The following ZNF76 variants were observed in gnomAD, a reference collection of about 807,000 sequenced individuals.
The protein encoded by ZNF76 is zinc finger protein 523.
ZNF76 carries 66 observed loss-of-function variants against 66.9 expected under a neutral mutation model. The ratio of observed to expected loss-of-function variants is 0.99; its 90% CI spans 0.81 to 1.21. The LOEUF is 1.21. Among genes scored for constraint, ZNF76 ranks in the 50% most tolerant of loss-of-function variants. The probability of loss-of-function intolerance (pLI) is 0.00; values close to 1 mark genes in which losing one functional copy is unlikely to be tolerated. For synonymous variants in ZNF76, 275 were observed against 296.1 expected, an observed-to-expected ratio of 0.93 and a Z score of 0.73; for missense variants, 729 against 760.3, an observed-to-expected ratio of 0.96 and a Z score of 0.48.
At position 35,287,613 on chromosome 6, in the gene ZNF76, G is replaced by A. The variant is rs1161887827; in HGVS notation, c.233-33G>A. On this transcript the variant is annotated intron_variant, in intron 4 of 13. Transcript: ENST00000373953. The surrounding 1 kb of genome is among the most constrained non-coding windows in gnomAD (Gnocchi z 4.0). Reference sequence around the variant, plus strand: ...TCCCAGCTGTATCTCTTCCCCTTGTGTGGCATCAGGGCTAACCGCGTGTTC... The same window carrying A: ...TCCCAGCTGTATCTCTTCCCCTTGTATGGCATCAGGGCTAACCGCGTGTTC... 3 of 1,563,986 alleles carry A rather than the reference G, an allele frequency of 1.9e-6. No individual in the cohort carries two copies. The highest frequency in any genetic ancestry group is 2.6e-6 in the Non-Finnish European group (3 of 1,152,830).
At chr6:35,293,501 A>G (rs1790743132) in intron 11 of ZNF76, among the ~76,000 whole-genome samples, 1 of 152,146 alleles carries the variant, frequency 6.6e-6, no homozygotes, top group Non-Finnish European at 1.5e-5. Flanking sequence ...TCAGGTGGCG[A>G]CCCTGAGCTG....
intron 1 of ZNF76, among the ~76,000 whole-genome samples, chr6:35,262,921 A>G (rs889764123): frequency 6.6e-6 from 1 of 151,980 alleles, no homozygotes; most frequent in African/African-American, 2.4e-5. Context: ...ACCCTTCCAC[A>G]GGGCCTCCTC....
intron 1 of ZNF76, among the ~76,000 whole-genome samples, chr6:35,276,725 G>A (rs1787939236): frequency 6.6e-6 from 1 of 151,884 alleles, no homozygotes; most frequent in South Asian, 2.1e-4. Flanking sequence ...GGGAGTCTGA[G>A]GATATTTTGC....
Position 35,292,596 on chromosome 6 carries a change from G to A in ZNF76, c.974G>A (p.Arg325His), listed in dbSNP as rs368273976. ...YVCTVPGCGK[R>H]FTEYSSLYKH... ...TGCACGGTGCCAGGCTGCGGGAAAC[G>A]CTTCACCGAGTACTCGAGCTTGTAT... Residue 325 changes from arginine to histidine, a missense_variant, in exon 10 of 14, where the codon CGC becomes CAC. Transcript: ENST00000373953. This position sits in a 1 kb window ranked among gnomAD's most constrained non-coding sequence, Gnocchi z 4.7. 2.2e-5 allele frequency: 35 copies of A among 1,613,504 alleles called. No homozygotes were observed. The highest frequency in any genetic ancestry group is 3.3e-5 in the South Asian group (3 of 91,076).
In ZNF76 at chr6:35,294,506, A is replaced by G; in HGVS notation, c.1545A>G (p.Ala515=). 1.2e-6 allele frequency: 2 copies of G among 1,614,098 alleles called. No homozygotes were observed. Among genetic ancestry groups the G allele is most frequent in the Non-Finnish European group, 1.7e-6 (2 of 1,180,010 alleles). The change falls in exon 13 of 14, where the codon GCA becomes GCG. Residue 515 remains alanine, a synonymous_variant. Coordinates refer to ENST00000373953, the MANE Select transcript of ZNF76 (RefSeq NM_003427.5). The stretch of plus-strand genomic sequence containing the variant: ...TGGTGGCTGAGGACTCAAGTGTAGC[A>G]TCTCTTCGTCATCAACAGGTGGCAC... The part of the protein sequence containing the change: ...GAVVAEDSSV[A]SLRHQQVALL...
rs536559198 is a variant in ZNF76, at chr6:35,259,802, A to T, written c.-136A>T. On this transcript the variant is annotated 5_prime_UTR_variant, in exon 1 of 14. An upstream start codon of the reference 5' UTR is lost. Coordinates refer to ENST00000373953, the MANE Select transcript of ZNF76 (RefSeq NM_003427.5). ...CGGCGCTGGTGGCGGGGCCCGGTGC[A>T]TGGCGGTCTGTCGGCGGAGTCGCCC... The T allele has an allele frequency of 6.6e-6, 1 of 152,228 alleles. No homozygotes were observed. The highest frequency in any genetic ancestry group is 6.5e-5 in the Admixed American group (1 of 15,282). 9.4% of individuals were successfully genotyped at this position (152,228 alleles called of 1,614,324 possible).
chr6:35,292,324 T>A lies in ZNF76; in HGVS notation c.932-230T>A. The A allele has an allele frequency of 1.1e-5, 6 of 529,820 alleles. No individual in the cohort carries two copies. Among genetic ancestry groups the A allele is most frequent in the Admixed American group, 3.1e-5 (1 of 32,486 alleles). 32.8% of individuals were successfully genotyped at this position (529,820 alleles called of 1,614,324 possible). On this transcript the variant is annotated intron_variant, in intron 9 of 13. Coordinates refer to ENST00000373953, the MANE Select transcript of ZNF76 (RefSeq NM_003427.5). This position sits in a 1 kb window ranked among gnomAD's most constrained non-coding sequence, Gnocchi z 4.7. Reference sequence around the variant, plus strand: ...CCCTTCACTAGCCCCAGCCTTGCCCTGTCCCCCGTTTCCTTTCCGCCTTGT... The same window carrying A: ...CCCTTCACTAGCCCCAGCCTTGCCCAGTCCCCCGTTTCCTTTCCGCCTTGT...
chr6:35,261,821 C>G (rs1455663036), intron 1 of ZNF76, among the ~76,000 whole-genome samples: 1 of 152,070 alleles, frequency 6.6e-6, no homozygotes, highest in Non-Finnish European at 1.5e-5. Context: ...GGCCCTGACC[C>G]CCAAGGTTTC....
chr6:35,278,812 T>C (rs1485694899), intron 1 of ZNF76, among the ~76,000 whole-genome samples: 5 of 152,182 alleles, frequency 3.3e-5, no homozygotes, highest in Non-Finnish European at 7.3e-5. Flanking sequence ...GAAGCTTCAG[T>C]GCTTCCCACC....
chr6:35,292,056 G>T lies in ZNF76; in HGVS notation c.931+319G>T. On this transcript the variant is annotated intron_variant, in intron 9 of 13. Coordinates refer to ENST00000373953, the MANE Select transcript of ZNF76 (RefSeq NM_003427.5). This position sits in a 1 kb window ranked among gnomAD's most constrained non-coding sequence, Gnocchi z 4.7. The stretch of plus-strand genomic sequence containing the variant: ...AAGAGGCCAGGGTCAGGAATGATGG[G>T]GAAGAAGCAGAGTGAACTGTCACCT... 6.3e-6 allele frequency: 3 copies of T among 473,882 alleles called. No homozygotes were observed. The highest frequency in any genetic ancestry group is 1.2e-5 in the Non-Finnish European group (3 of 257,812). 29.4% of individuals were successfully genotyped at this position (473,882 alleles called of 1,614,324 possible). A position where few individuals can be genotyped will look rare whatever the true frequency, so the allele number is the denominator to read the frequency against.
intron 1 of ZNF76, among the ~76,000 whole-genome samples, chr6:35,275,722 TG>T (rs1787798857): frequency 6.6e-6 from 1 of 152,150 alleles, no homozygotes; most frequent in Admixed American, 6.5e-5. Flanking sequence ...GTGAATGAGT[TG>T]AGGTTATTTA....
Position 35,294,502 on chromosome 6 carries a change from T to C in ZNF76, c.1541T>C (p.Val514Ala). The C allele has an allele frequency of 6.2e-7, 1 of 1,614,088 alleles. No homozygotes were observed. Among genetic ancestry groups the C allele is most frequent in the Non-Finnish European group, 8.5e-7 (1 of 1,180,008 alleles). ...GCTGTGGTGGCTGAGGACTCAAGTGTAGCATCTCTTCGTCATCAACAGGTG... is the reference window on the plus strand; with the variant it reads ...GCTGTGGTGGCTGAGGACTCAAGTGCAGCATCTCTTCGTCATCAACAGGTG... ...SGAVVAEDSS[V>A]ASLRHQQVAL... Residue 514 changes from valine (V) to alanine (A), a missense_variant, in exon 13 of 14, where the codon GTA becomes GCA. By Grantham distance (64) the Val-to-Ala change is moderately conservative. Transcript: ENST00000373953.
At chr6:35,286,557 C>A in intron 4 of ZNF76, 158 bp downstream of exon 4, 1 of 709,984 alleles carries the variant, frequency 1.4e-6, no homozygotes, top group Non-Finnish European at 2.5e-6. Context: ...GCAGCCTTGC[C>A]CACCTTCCCT....
At chr6:35,282,505 G>T (rs541491388) in intron 2 of ZNF76, among the ~76,000 whole-genome samples, 2 of 152,218 alleles carry the variant, frequency 1.3e-5, no homozygotes, top group East Asian at 3.9e-4. Context: ...TTAGGGCAAG[G>T]CCTGCAGGCC....
At position 35,292,305 on chromosome 6, in the gene ZNF76, A is replaced by G; in HGVS notation, c.932-249A>G. ...CCCAGTGCCCCCTACCAGCCCCTTC[A>G]CTAGCCCCAGCCTTGCCCTGTCCCC... On this transcript the variant is annotated intron_variant, in intron 9 of 13. Coordinates refer to ENST00000373953, the MANE Select transcript of ZNF76 (RefSeq NM_003427.5). This position sits in a 1 kb window ranked among gnomAD's most constrained non-coding sequence, Gnocchi z 4.7. The G allele has an allele frequency of 1.9e-6, 1 of 527,800 alleles. No homozygotes were observed. Among genetic ancestry groups the G allele is most frequent in the Non-Finnish European group, 3.4e-6 (1 of 293,060 alleles). The allele number at this position is 527,800 out of a possible 1,614,324, so 32.7% of individuals were successfully genotyped here. A position where few individuals can be genotyped will look rare whatever the true frequency, so the allele number is the denominator to read the frequency against.
chr6:35,287,664 C>A lies in ZNF76; in HGVS notation c.251C>A (p.Thr84Asn). ...RTPREGYDPS[T>N]LEAVQLEDGS... ...CCTGCAGAAGGCTATGACCCCAGCA[C>A]CCTGGAAGCCGTCCAACTGGAAGAT... The change falls in exon 5 of 14, where the codon ACC becomes AAC. Residue 84 changes from threonine (T) to asparagine (N), a missense_variant. Transcript: ENST00000373953. The surrounding 1 kb of genome is among the most constrained non-coding windows in gnomAD (Gnocchi z 4.0). The A allele has an allele frequency of 6.2e-7, 1 of 1,613,100 alleles. No homozygotes were observed. Among genetic ancestry groups the A allele is most frequent in the Non-Finnish European group, 8.5e-7 (1 of 1,179,368 alleles).
At chr6:35,276,153 G>A (rs1239523445) in intron 1 of ZNF76, among the ~76,000 whole-genome samples, 1 of 152,196 alleles carries the variant, frequency 6.6e-6, no homozygotes, top group Non-Finnish European at 1.5e-5. Flanking sequence ...TAGGTAAGGT[G>A]CTTTAAAAAG....
At position 35,292,245 on chromosome 6, in the gene ZNF76, A is replaced by G. The variant is rs745888297; in HGVS notation, c.932-309A>G. ...TCCTTGCCTCTTGCCTCTGCTGTTCACCATTCTCAACCTCCCACCCTCAAC... is the reference window on the plus strand; with the variant it reads ...TCCTTGCCTCTTGCCTCTGCTGTTCGCCATTCTCAACCTCCCACCCTCAAC... On this transcript the variant is annotated intron_variant, in intron 9 of 13. Transcript: ENST00000373953. The surrounding 1 kb of genome is among the most constrained non-coding windows in gnomAD (Gnocchi z 4.7). 9 of 475,490 alleles carry G rather than the reference A, an allele frequency of 1.9e-5. No individual in the cohort carries two copies. Among genetic ancestry groups the G allele is most frequent in the Non-Finnish European group, 3.5e-5 (9 of 256,986 alleles). The allele number at this position is 475,490 out of a possible 1,614,324, so 29.5% of individuals were successfully genotyped here. A position where few individuals can be genotyped will look rare whatever the true frequency, so the allele number is the denominator to read the frequency against.
chr6:35,282,984 G>T lies in ZNF76; in HGVS notation c.73+1760G>T, dbSNP rs76964824. ...TCTGTTTGCAGACTTCCCACTCCAG[G>T]TCTTGCCCCTCCAGTGCAGTCTCCA... On this transcript the variant is annotated intron_variant, in intron 2 of 13. Transcript: ENST00000373953. Among the ~76,000 whole-genome samples, 84 of 152,190 alleles carry T rather than the reference G, an allele frequency of 5.5e-4. No individual in the cohort carries two copies. In the East Asian group the frequency reaches 0.012, roughly 21 times the overall value.
Sources: gnomAD v4.1 joint callset for allele counts (sites outside exome capture counted in the v4.1 genomes callset) on GRCh38, gnomAD v4.1.1 for gene constraint, Gnocchi (gnomAD v3.1) non-coding constraint, MANE v1.5 for transcripts, NCBI Gene and HGNC (gene_info 2026-07-23, HGNC 2026-07-21) for gene names.